The following PIGK variants were observed in gnomAD, a reference collection of about 807,000 sequenced individuals.
PIGK encodes GPI-anchor transamidase.
PIGK carries 42 observed loss-of-function variants against 50.6 expected under a neutral mutation model. The ratio of observed to expected loss-of-function variants is 0.83; its 90% CI spans 0.65 to 1.07. The LOEUF is 1.07. Among genes scored for constraint, PIGK ranks in the 50% least tolerant of loss-of-function variants. PIGK has a pLI of 0.00. For synonymous variants in PIGK, 151 were observed against 156.0 expected (o/e 0.97, Z 0.24); for missense variants, 448 against 488.7 (o/e 0.92, Z 0.78).
chr1:77,198,488 ATTGT>A (rs1268644699), intron 3 of PIGK, among the ~76,000 whole-genome samples: 13 of 152,142 alleles, frequency 8.5e-5, no homozygotes, highest in South Asian at 4.1e-4. Context: ...ATGAAAACTC[ATTGT>A]TTGAAGATTT....
chr1:77,209,652 G>C (rs1467280829), intron 2 of PIGK, among the ~76,000 whole-genome samples: 1 of 151,938 alleles, frequency 6.6e-6, no homozygotes, highest in African/African-American at 2.4e-5. Flanking sequence ...ACACAGCCCT[G>C]TTTACAATAA....
At chr1:77,180,189 G>A (rs533339526) in intron 3 of PIGK, among the ~76,000 whole-genome samples, 1 of 152,224 alleles carries the variant, frequency 6.6e-6, no homozygotes, top group South Asian at 2.1e-4. Context: ...CATGCATGAT[G>A]ATTCAACTCA....
At chr1:77,190,771 T>C (rs577945019) in intron 3 of PIGK, among the ~76,000 whole-genome samples, 3 of 152,360 alleles carry the variant, frequency 2.0e-5, no homozygotes, top group African/African-American at 7.2e-5. Flanking sequence ...CAGAGAGGTA[T>C]TGGGGCTGCA....
At chr1:77,176,369 C>T (rs1655490721) in intron 3 of PIGK, among the ~76,000 whole-genome samples, 1 of 152,122 alleles carries the variant, frequency 6.6e-6, no homozygotes, top group Admixed American at 6.5e-5. Flanking sequence ...AAAAATAATG[C>T]TTAACCTTCT....
At chr1:77,109,344 A>G (rs1188329596) in intron 10 of PIGK, among the ~76,000 whole-genome samples, 2 of 152,184 alleles carry the variant, frequency 1.3e-5, no homozygotes, top group Non-Finnish European at 2.9e-5. Context: ...GATTAACATC[A>G]ATGCAAAAAT....
chr1:77,151,609 A>T (rs1482390300), intron 9 of PIGK, among the ~76,000 whole-genome samples: 3 of 152,160 alleles, frequency 2.0e-5, no homozygotes, highest in African/African-American at 7.2e-5. Context: ...TAAAGAGTCC[A>T]CCAAAACATT....
At chr1:77,209,457 T>A (rs956642691) in intron 2 of PIGK, among the ~76,000 whole-genome samples, 1 of 152,040 alleles carries the variant, frequency 6.6e-6, no homozygotes, top group African/African-American at 2.4e-5. Context: ...CAAAATGTAA[T>A]GTGTTGACCA....
intron 9 of PIGK, among the ~76,000 whole-genome samples, chr1:77,152,345 CA>C (rs1397321863): frequency 6.6e-6 from 1 of 151,932 alleles, no homozygotes; most frequent in Non-Finnish European, 1.5e-5. Context: ...ATCCCAAAAT[CA>C]AATCAAAATG....
chr1:77,166,441 A>C, intron 5 of PIGK, among the ~76,000 whole-genome samples: 1 of 152,216 alleles, frequency 6.6e-6, no homozygotes, highest in East Asian at 1.9e-4. Flanking sequence ...GCAGGAGAAC[A>C]AAACTGAAGG....
intron 9 of PIGK, chr1:77,129,121 G>T (rs1011155794): frequency 1.9e-6 from 2 of 1,070,158 alleles, no homozygotes; most frequent in Admixed American, 3.4e-5. Flanking sequence ...AAAATGGTTC[G>T]CTACTCACTT....
intron 3 of PIGK, among the ~76,000 whole-genome samples, chr1:77,201,871 C>T (rs1365317062): frequency 1.3e-5 from 2 of 151,818 alleles, no homozygotes; most frequent in East Asian, 1.9e-4. Context: ...AGCCTGGGCA[C>T]CATTGTGAGA....
At chr1:77,095,990 A>G (rs1653397307) in intron 10 of PIGK, among the ~76,000 whole-genome samples, 1 of 152,196 alleles carries the variant, frequency 6.6e-6, no homozygotes, top group African/African-American at 2.4e-5. Flanking sequence ...GAAATAAATT[A>G]TAATCTGAAG....
At chr1:77,105,018 C>T (rs1303008143) in intron 10 of PIGK, among the ~76,000 whole-genome samples, 1 of 152,150 alleles carries the variant, frequency 6.6e-6, no homozygotes, top group Non-Finnish European at 1.5e-5. Flanking sequence ...TCTAGGTACC[C>T]ACGCTTGGTG....
intron 1 of PIGK, among the ~76,000 whole-genome samples, chr1:77,213,036 TGCCTCA>T (rs1343123922): frequency 1.3e-5 from 2 of 152,214 alleles, no homozygotes; most frequent in Non-Finnish European, 2.9e-5. Flanking sequence ...GCGATTCTCC[TGCCTCA>T]GCCTCCCGAG....
intron 8 of PIGK, 98 bp downstream of exon 8, chr1:77,161,197 T>A (rs1570232915): frequency 1.5e-6 from 1 of 684,524 alleles, no homozygotes; most frequent in African/African-American, 1.8e-5. Flanking sequence ...ATTCAACACA[T>A]AAAACAAGAT....
intron 10 of PIGK, among the ~76,000 whole-genome samples, chr1:77,118,209 T>C (rs1654020982): frequency 1.3e-5 from 2 of 152,176 alleles, no homozygotes; most frequent in Admixed American, 6.5e-5. Flanking sequence ...ATGAGGAAAA[T>C]ATTTTTCCAC....
intron 10 of PIGK, among the ~76,000 whole-genome samples, chr1:77,111,716 C>T (rs1025875181): frequency 3.3e-5 from 5 of 151,904 alleles, no homozygotes; most frequent in Admixed American, 3.3e-4. Context: ...ATGTAACAAA[C>T]CTGCACGTTG....
chr1:77,133,045 C>T (rs141303179), intron 9 of PIGK, among the ~76,000 whole-genome samples: 13 of 151,786 alleles, frequency 8.6e-5, no homozygotes, highest in African/African-American at 1.5e-4. Context: ...ATATGTGGTC[C>T]GATATATTTC....
chr1:77,122,590 T>A (rs920658815), intron 9 of PIGK, among the ~76,000 whole-genome samples: 2 of 152,228 alleles, frequency 1.3e-5, no homozygotes, highest in Non-Finnish European at 2.9e-5. Flanking sequence ...CATCACTTAA[T>A]GTTCTCAGAT....
Sources: allele counts gnomAD v4.1 joint callset (sites outside exome capture counted in the v4.1 genomes callset), GRCh38; gene constraint gnomAD v4.1.1; transcripts MANE v1.5; gene names NCBI Gene and HGNC (gene_info 2026-07-23, HGNC 2026-07-21).